PTPN4: variants seen among roughly 807,000 people sequenced by gnomAD.
The protein encoded by PTPN4 is tyrosine-protein phosphatase non-receptor type 4.
Under a neutral mutation model 135.5 loss-of-function variants are expected in PTPN4, and 49 were observed. That is an observed-to-expected ratio of 0.36 (90% CI 0.29 to 0.46). PTPN4 has a LOEUF of 0.46. Ranked by LOEUF, PTPN4 falls within the 20% of genes least tolerant of loss-of-function variation. The pLI, the probability that PTPN4 is intolerant of heterozygous loss-of-function variation, is 1.00. For synonymous variants in PTPN4, 333 were observed against 369.9 expected (o/e 0.90, Z 1.14); for missense variants, 860 against 1,101.0 (o/e 0.78, Z 3.10).
At position 119,956,527 on chromosome 2, in the gene PTPN4, C is replaced by T. The variant is rs547026915; in HGVS notation, c.1981-317C>T. On this transcript the variant is annotated intron_variant, in intron 20 of 26. Coordinates refer to ENST00000263708, the MANE Select transcript of PTPN4 (RefSeq NM_002830.4). Reference sequence around the variant, plus strand: ...GTTCTTAGTTCATAGACTGTAAACACCTCCAAACTAAATGAAAGTTAAATG... The same window carrying T: ...GTTCTTAGTTCATAGACTGTAAACATCTCCAAACTAAATGAAAGTTAAATG... Among the ~76,000 whole-genome samples, 196 of 152,242 alleles carry T rather than the reference C, an allele frequency of 1.3e-3. 1 individual carries two copies. The highest frequency in any genetic ancestry group is 4.3e-3 in the African/African-American group (180 of 41,528).
At chr2:119,971,186 G>A (rs1679528249) in intron 26 of PTPN4, among the ~76,000 whole-genome samples, 1 of 152,196 alleles carries the variant, frequency 6.6e-6, no homozygotes, top group Non-Finnish European at 1.5e-5. Flanking sequence ...AATCATGGTG[G>A]AAGGCAAAGG....
rs562002918 is a variant in PTPN4 at position 119,918,089 on chromosome 2, A to G, written c.829-1980A>G. On this transcript the variant is annotated intron_variant, in intron 11 of 26. Coordinates refer to ENST00000263708, the MANE Select transcript of PTPN4 (RefSeq NM_002830.4). ...TTATTTTGTGTAATGTTTGTGGCATATGGTAAAACATATGAACTATATATG... is the reference window on the plus strand; with the variant it reads ...TTATTTTGTGTAATGTTTGTGGCATGTGGTAAAACATATGAACTATATATG... Among the ~76,000 whole-genome samples, 22 of 152,346 alleles carry G rather than the reference A, an allele frequency of 1.4e-4. No homozygotes were observed. In the South Asian group the frequency reaches 2.1e-3, roughly 14 times the overall value.
chr2:119,919,640 T>C (rs986332814), intron 11 of PTPN4, among the ~76,000 whole-genome samples: 13 of 152,086 alleles, frequency 8.5e-5, no homozygotes, highest in African/African-American at 3.1e-4. Context: ...CTGGCCACCA[T>C]GGTGAAACCC....
intron 11 of PTPN4, among the ~76,000 whole-genome samples, chr2:119,918,109 T>A (rs767189920): frequency 2.3e-4 from 35 of 152,230 alleles, no homozygotes; most frequent in Non-Finnish European, 4.3e-4. Flanking sequence ...ATATGAACTA[T>A]ATATGTTAGT....
At chr2:119,784,273 C>CTTT (rs573937387) in intron 1 of PTPN4, among the ~76,000 whole-genome samples, 3 of 131,704 alleles carry the variant, frequency 2.3e-5, no homozygotes, top group Admixed American at 7.7e-5. Flanking sequence ...TGTAGACTCC[C>CTTT]TTTTTTTTTT....
At chr2:119,936,664 G>A (rs1678988638) in intron 15 of PTPN4, among the ~76,000 whole-genome samples, 1 of 152,120 alleles carries the variant, frequency 6.6e-6, no homozygotes, top group African/African-American at 2.4e-5. Context: ...CCAGTCTCAG[G>A]TATTTCTTCA....
chr2:119,963,894 T>C (rs1379922530), intron 24 of PTPN4, among the ~76,000 whole-genome samples: 1 of 152,214 alleles, frequency 6.6e-6, no homozygotes, highest in Admixed American at 6.5e-5. Flanking sequence ...CTGTAGATTA[T>C]CCATGACAGT....
At chr2:119,914,267 T>C (rs1426766962) in intron 10 of PTPN4, among the ~76,000 whole-genome samples, 5 of 124,532 alleles carry the variant, frequency 4.0e-5, no homozygotes, top group Non-Finnish European at 7.2e-5. Context: ...TTTTTTTTTT[T>C]TTTTTTTTTG....
chr2:119,899,307 C>G (rs1360462328), intron 9 of PTPN4, among the ~76,000 whole-genome samples: 2 of 152,154 alleles, frequency 1.3e-5, no homozygotes, highest in Non-Finnish European at 2.9e-5. Context: ...ACCTGATTAT[C>G]CTGACAGTAA....
chr2:119,938,079 A>C (rs11688028), intron 15 of PTPN4, among the ~76,000 whole-genome samples: 89,005 of 150,752 alleles, frequency 0.59, 28,324 homozygotes, highest in East Asian at 0.8. Flanking sequence ...TTCTCTTAAC[A>C]ACCGAAAGTT....
intron 12 of PTPN4, among the ~76,000 whole-genome samples, chr2:119,923,116 GT>G (rs1678762726): frequency 6.6e-6 from 1 of 152,186 alleles, no homozygotes; most frequent in African/African-American, 2.4e-5. Context: ...ATGGGGGCCT[GT>G]AATCTCAGTG....
intron 15 of PTPN4, among the ~76,000 whole-genome samples, chr2:119,943,624 C>T (rs1315527658): frequency 9.2e-6 from 1 of 108,514 alleles, no homozygotes; most frequent in Non-Finnish European, 1.7e-5. Context: ...CTTGCTCTGT[C>T]GCCCAAGTTG....
At chr2:119,844,269 C>T (rs1260457015) in intron 2 of PTPN4, among the ~76,000 whole-genome samples, 4 of 135,050 alleles carry the variant, frequency 3.0e-5, no homozygotes, top group Non-Finnish European at 4.9e-5. Context: ...GGCGGCTGGC[C>T]GGGCGGAGGG....
intron 14 of PTPN4, among the ~76,000 whole-genome samples, chr2:119,933,354 A>AAATTAT (rs1320745457): frequency 1.2e-4 from 18 of 152,274 alleles, no homozygotes; most frequent in African/African-American, 4.1e-4. Context: ...TAAATGTTTT[A>AAATTAT]CACACATTAA....
chr2:119,794,873 C>A (rs1366966273), intron 1 of PTPN4, among the ~76,000 whole-genome samples: 2 of 152,170 alleles, frequency 1.3e-5, no homozygotes, highest in African/African-American at 4.8e-5. Context: ...CAAAGAGGAG[C>A]TTTATTGAGC....
intron 2 of PTPN4, among the ~76,000 whole-genome samples, chr2:119,839,019 C>T (rs72836833): frequency 0.024 from 3,655 of 152,258 alleles, 65 homozygotes; most frequent in Non-Finnish European, 0.033. Context: ...CTGAAATACC[C>T]GCCTCCAAAC....
intron 15 of PTPN4, among the ~76,000 whole-genome samples, chr2:119,941,412 AGTGTGT>A (rs3084705): frequency 3.4e-5 from 5 of 148,842 alleles, no homozygotes; most frequent in East Asian, 4.0e-4. Flanking sequence ...TAGACTTCAG[AGTGTGT>A]GTGTGTGTGT....
At position 119,982,892 on chromosome 2, in the gene PTPN4, T is replaced by C. The variant is rs1019026098; in HGVS notation, c.*5822T>C. 3.3e-5 allele frequency: 5 copies of C among 152,220 alleles called. No homozygotes were observed. The highest frequency in any genetic ancestry group is 1.3e-4 in the Admixed American group (2 of 15,280). 9.4% of individuals were successfully genotyped at this position (152,220 alleles called of 1,614,324 possible). On this transcript the variant is annotated 3_prime_UTR_variant, in exon 27 of 27. Transcript: ENST00000263708. Reference sequence around the variant, plus strand: ...TGAATTGTAGCAGTGATGTCTTATATGCTTACGAGTTTATATTAATTCAGC... The same window carrying C: ...TGAATTGTAGCAGTGATGTCTTATACGCTTACGAGTTTATATTAATTCAGC...
intron 2 of PTPN4, among the ~76,000 whole-genome samples, chr2:119,824,868 A>G (rs969522095): frequency 1.3e-5 from 2 of 152,008 alleles, no homozygotes; most frequent in Non-Finnish European, 2.9e-5. Flanking sequence ...TTGCATTTTT[A>G]GTAGAGACAG....
Sources: allele counts gnomAD v4.1 joint callset (sites outside exome capture counted in the v4.1 genomes callset), GRCh38; gene constraint gnomAD v4.1.1; transcripts MANE v1.5; gene names NCBI Gene and HGNC (gene_info 2026-07-23, HGNC 2026-07-21).